TUT4: variants seen among roughly 807,000 people sequenced by gnomAD.
TUT4 encodes terminal uridylyl transferase 4, also known as terminal uridylyltransferase 4.
Under a neutral mutation model 192.2 loss-of-function variants are expected in TUT4, and 36 were observed. The ratio of observed to expected loss-of-function variants is 0.19; its 90% CI spans 0.14 to 0.25. The LOEUF (loss-of-function observed/expected upper bound fraction) is 0.25, where lower values mean the gene tolerates loss of function less well. TUT4 is among the 10% of genes least tolerant of loss of function. The probability of loss-of-function intolerance (pLI) is 1.00; values close to 1 mark genes in which losing one functional copy is unlikely to be tolerated. For synonymous variants in TUT4, 618 were observed against 666.0 expected (o/e 0.93, Z 1.11); for missense variants, 1,493 against 1,957.2 (o/e 0.76, Z 4.47).
chr1:52,501,854 A>C (rs953610858), intron 4 of TUT4, among the ~76,000 whole-genome samples: 1 of 152,178 alleles, frequency 6.6e-6, no homozygotes, highest in African/African-American at 2.4e-5. Flanking sequence ...ACACTAAAGG[A>C]TAAATAATGT....
chr1:52,479,258 G>A (rs903554819), intron 11 of TUT4, among the ~76,000 whole-genome samples: 1 of 152,162 alleles, frequency 6.6e-6, no homozygotes, highest in Non-Finnish European at 1.5e-5. Flanking sequence ...TTATCTAAAT[G>A]AAATGAGGAA....
intron 19 of TUT4, 67 bp downstream of exon 19, chr1:52,461,067 C>A: frequency 7.4e-7 from 1 of 1,351,766 alleles, no homozygotes; most frequent in South Asian, 1.6e-5. Context: ...TTTCACAAAT[C>A]TGACATTAGT....
chr1:52,435,366 C>G lies in TUT4; in HGVS notation c.4262G>C (p.Cys1421Ser). ...CACATTCACAGGCAGAGTACTTACA[C>G]ATTCTGATGACTGTCTAGTCCTTAT... ...QSIRTRQSSE[C>S]SESPSYSPQP... Residue 1421 changes from cysteine to serine, a missense_variant and splice_region_variant, in exon 27 of 30, where the codon TGT becomes TCT. Physicochemically the swap from Cys to Ser is moderately radical, Grantham distance 112 (BLOSUM62 -1). Coordinates refer to ENST00000257177, the MANE Select transcript of TUT4 (RefSeq NM_001009881.3). The G allele has an allele frequency of 6.2e-7, 1 of 1,612,848 alleles. No individual in the cohort carries two copies. Among genetic ancestry groups the G allele is most frequent in the East Asian group, 2.2e-5 (1 of 44,866 alleles).
chr1:52,547,994 T>C (rs1370823565), intron 1 of TUT4, among the ~76,000 whole-genome samples: 1 of 152,168 alleles, frequency 6.6e-6, no homozygotes, highest in Non-Finnish European at 1.5e-5. Context: ...GTGAATTTTA[T>C]GGTATTGTAA....
rs373790920 is a variant in TUT4, at chr1:52,431,349, G to A, written c.4375C>T (p.Pro1459Ser). 20 of 1,614,024 alleles carry A rather than the reference G, an allele frequency of 1.2e-5. No individual in the cohort carries two copies. Among genetic ancestry groups the A allele is most frequent in the Non-Finnish European group, 1.7e-5 (20 of 1,180,034 alleles). ...SQPGSQPKLG[P>S]PQQGAQPPHQ... ...GGAGGTTGGGCTCCCTGCTGAGGTGGGCCAAGCTTAGGTTGGGATCCTGGC... is the reference window on the plus strand; with the variant it reads ...GGAGGTTGGGCTCCCTGCTGAGGTGAGCCAAGCTTAGGTTGGGATCCTGGC... The change falls in exon 28 of 30, where the codon CCA (proline) becomes TCA (serine). Residue 1459 changes from proline to serine, a missense_variant. Pro to Ser is a moderately conservative substitution (Grantham distance 74). This residue lies in a region of TUT4 where 351 missense variants were observed against 397.8 expected (regional missense o/e 0.88). Transcript: ENST00000257177.
At chr1:52,514,216 G>A (rs1345778881) in intron 3 of TUT4, among the ~76,000 whole-genome samples, 3 of 152,154 alleles carry the variant, frequency 2.0e-5, no homozygotes, top group Non-Finnish European at 4.4e-5. Context: ...CAGGGTGGGT[G>A]GATCATTTGA....
At chr1:52,448,809 T>C (rs1381925389) in intron 20 of TUT4, among the ~76,000 whole-genome samples, 1 of 152,160 alleles carries the variant, frequency 6.6e-6, no homozygotes, top group African/African-American at 2.4e-5. Context: ...AGAACCCTGT[T>C]TTGAGATAAT....
intron 2 of TUT4, among the ~76,000 whole-genome samples, chr1:52,521,208 T>C (rs1454280174): frequency 6.6e-6 from 1 of 152,210 alleles, no homozygotes; most frequent in Non-Finnish European, 1.5e-5. Context: ...TCCTAATGAC[T>C]AGTTCAGTTC....
At chr1:52,466,674 A>T (rs1243534404) in intron 15 of TUT4, among the ~76,000 whole-genome samples, 25 of 139,480 alleles carry the variant, frequency 1.8e-4, no homozygotes, top group African/African-American at 7.2e-4. Flanking sequence ...ATATATATAT[A>T]TATATATATT....
At chr1:52,478,948 T>A (rs901485641) in intron 11 of TUT4, among the ~76,000 whole-genome samples, 7 of 151,852 alleles carry the variant, frequency 4.6e-5, no homozygotes, top group Non-Finnish European at 8.8e-5. Context: ...ACAACAAACA[T>A]CTTTAGTAAG....
chr1:52,531,807 TTTTCTCA>T, intron 1 of TUT4, among the ~76,000 whole-genome samples: 1 of 152,000 alleles, frequency 6.6e-6, no homozygotes, highest in East Asian at 1.9e-4. Context: ...CTCTTTTTAC[TTTTCTCA>T]CAGCACTTAG....
chr1:52,526,509 A>C, intron 1 of TUT4, 136 bp from the exon 2 acceptor site: 1 of 292,534 alleles, frequency 3.4e-6, no homozygotes, highest in East Asian at 6.7e-5. Context: ...AAAAAGACAA[A>C]ACTCAGAAAA....
chr1:52,442,487 G>A (rs1218348349), intron 24 of TUT4, among the ~76,000 whole-genome samples: 2 of 152,144 alleles, frequency 1.3e-5, no homozygotes. Context: ...GACCATACAG[G>A]TTGAGAATCC....
intron 9 of TUT4, among the ~76,000 whole-genome samples, chr1:52,482,811 T>C (rs1044317264): frequency 2.6e-5 from 4 of 152,186 alleles, no homozygotes; most frequent in African/African-American, 7.2e-5. Flanking sequence ...TTCAAGAACA[T>C]TCACATTTTG....
chr1:52,513,273 T>C (rs1677753076), intron 3 of TUT4, among the ~76,000 whole-genome samples: 1 of 151,006 alleles, frequency 6.6e-6, no homozygotes, highest in African/African-American at 2.4e-5. Flanking sequence ...TGGTGGCACA[T>C]GCCTGTAGTC....
intron 20 of TUT4, among the ~76,000 whole-genome samples, chr1:52,448,460 G>A (rs770757451): frequency 1.1e-4 from 16 of 151,856 alleles, no homozygotes; most frequent in Non-Finnish European, 1.9e-4. Context: ...GTGGTGGTTC[G>A]TGCTGGTAGT....
chr1:52,488,471 A>G (rs529732091), intron 9 of TUT4, among the ~76,000 whole-genome samples: 63 of 152,334 alleles, frequency 4.1e-4, no homozygotes, highest in African/African-American at 1.5e-3. Context: ...CAGTTGCCCA[A>G]TCAGAAATTG....
At chr1:52,542,568 C>A (rs1252178566) in intron 1 of TUT4, among the ~76,000 whole-genome samples, 1 of 151,988 alleles carries the variant, frequency 6.6e-6, no homozygotes. Flanking sequence ...AAGAATCTGA[C>A]AAAATTCAAT....
At position 52,428,701 on chromosome 1, in the gene TUT4, G is replaced by C. The variant is rs1650901156; in HGVS notation, c.4711+2312C>G. Among the ~76,000 whole-genome samples the C allele has an allele frequency of 2.0e-5, 3 of 151,530 alleles. No individual in the cohort carries two copies. In the South Asian group the frequency reaches 6.2e-4, roughly 32 times the overall value. On this transcript the variant is annotated intron_variant, in intron 28 of 29. Coordinates refer to ENST00000257177, the MANE Select transcript of TUT4 (RefSeq NM_001009881.3). ...AGTCTCAGCTATTCGGGAGGCAGGAGAATCACTTGAACTCAGAAGGCGGAG... is the reference window on the plus strand; with the variant it reads ...AGTCTCAGCTATTCGGGAGGCAGGACAATCACTTGAACTCAGAAGGCGGAG...
Sources: gnomAD v4.1 joint callset for allele counts (sites outside exome capture counted in the v4.1 genomes callset) on GRCh38, gnomAD v4.1.1 for gene constraint, gnomAD v4.1.1 regional missense constraint, MANE v1.5 for transcripts, NCBI Gene and HGNC (gene_info 2026-07-23, HGNC 2026-07-21) for gene names.